Variants in CTNNA2 observed in about 807,000 individuals in gnomAD.
The protein encoded by CTNNA2 is catenin alpha 2, also known as catenin alpha-2.
A neutral mutation model predicts 101.0 loss-of-function variants in CTNNA2; 42 were observed. The observed-to-expected ratio is 0.42, with a 90% CI of 0.32 to 0.54. The LOEUF is 0.54. CTNNA2 is among the 20% of genes least tolerant of loss of function. The probability of loss-of-function intolerance (pLI) is 0.14; values close to 1 mark genes in which losing one functional copy is unlikely to be tolerated. For missense variants in CTNNA2, 871 were observed against 1,223.1 expected (o/e 0.71, Z 4.29); for synonymous variants, 450 against 456.4 (o/e 0.99, Z 0.18).
At position 79,734,293 on chromosome 2, in the gene CTNNA2, A is replaced by G. The variant is rs17017715; in HGVS notation, c.103-10094A>G. 5.4e-3 allele frequency among the ~76,000 whole-genome samples: 825 copies of G among 152,176 alleles called. 8 individuals are homozygous for G. The highest frequency in any genetic ancestry group is 0.019 in the African/African-American group (783 of 41,546). On this transcript the variant is annotated intron_variant, in intron 2 of 18. Transcript: ENST00000402739. ...TGTAAGTGTAGACATTGAAAGTTGT[A>G]TAGATTTTAGGATAACCTAGGTTGG...
At chr2:80,092,690 C>T (rs192713890) in intron 7 of CTNNA2, among the ~76,000 whole-genome samples, 8,986 of 152,190 alleles carry the variant, frequency 0.059, 355 homozygotes, top group Non-Finnish European at 0.091. Flanking sequence ...AATCAATAGT[C>T]TGGGAAACAG....
chr2:79,293,443 A>C (rs1016446330), intron 2 of CTNNA2, among the ~76,000 whole-genome samples: 1 of 152,176 alleles, frequency 6.6e-6, no homozygotes, highest in African/African-American at 2.4e-5. Flanking sequence ...ATCATACTAC[A>C]GTCCCTCTCC....
intron 9 of CTNNA2, among the ~76,000 whole-genome samples, chr2:80,524,304 T>C (rs1352159364): frequency 6.6e-6 from 1 of 152,148 alleles, no homozygotes; most frequent in Admixed American, 6.5e-5. Flanking sequence ...TCCTCCACAT[T>C]CCTTGTTCTC....
At chr2:79,228,539 C>CT (rs1187265009) in intron 2 of CTNNA2, among the ~76,000 whole-genome samples, 5 of 152,238 alleles carry the variant, frequency 3.3e-5, no homozygotes, top group Non-Finnish European at 1.5e-5. Context: ...TTCTTGGCCA[C>CT]TTGTGTATCT....
At chr2:79,548,522 C>T (rs957708906) in intron 1 of CTNNA2, among the ~76,000 whole-genome samples, 2 of 152,172 alleles carry the variant, frequency 1.3e-5, no homozygotes, top group African/African-American at 2.4e-5. Flanking sequence ...GGCCAGTTCT[C>T]CACCAGCTAT....
intron 6 of CTNNA2, among the ~76,000 whole-genome samples, chr2:79,895,863 G>C (rs1277693217): frequency 6.6e-6 from 1 of 152,004 alleles, no homozygotes; most frequent in Non-Finnish European, 1.5e-5. Flanking sequence ...ATAAAAATGG[G>C]CAGCAGATCT....
chr2:79,885,969 C>T (rs1389393222), intron 6 of CTNNA2, among the ~76,000 whole-genome samples: 2 of 152,150 alleles, frequency 1.3e-5, no homozygotes, highest in East Asian at 1.9e-4. Flanking sequence ...GTTTAGCCAC[C>T]AGATAGCTAA....
intron 3 of CTNNA2, among the ~76,000 whole-genome samples, chr2:79,751,579 G>A (rs1398591706): frequency 8.1e-6 from 1 of 124,158 alleles, no homozygotes; most frequent in Non-Finnish European, 1.6e-5. Context: ...CTGGGTGATG[G>A]AGAGACTCCA....
At chr2:79,842,168 C>T (rs1221116031) in intron 3 of CTNNA2, among the ~76,000 whole-genome samples, 4 of 152,146 alleles carry the variant, frequency 2.6e-5, no homozygotes, top group African/African-American at 9.7e-5. Flanking sequence ...GGTGTTTTAA[C>T]TATGTCTTGG....
At chr2:80,265,841 C>A (rs539122377) in intron 7 of CTNNA2, among the ~76,000 whole-genome samples, 1 of 152,132 alleles carries the variant, frequency 6.6e-6, no homozygotes, top group Non-Finnish European at 1.5e-5. Context: ...CATTCATTAC[C>A]TGGGAACTTG....
intron 9 of CTNNA2, among the ~76,000 whole-genome samples, chr2:80,517,300 A>T (rs564332849): frequency 6.6e-6 from 1 of 152,308 alleles, no homozygotes; most frequent in East Asian, 1.9e-4. Flanking sequence ...ATCAGGAGGA[A>T]AAGGAGCAGT....
Position 79,641,593 on chromosome 2 carries a change from A to G in CTNNA2, c.-5-9959A>G, listed in dbSNP as rs541515891. The stretch of plus-strand genomic sequence containing the variant: ...TTGGTCAAGAAATTTCATTTAGACA[A>G]TTTGGGTCCCTGGTGGGACACTGGA... On this transcript the variant is annotated intron_variant, in intron 1 of 18. Coordinates refer to ENST00000402739, the MANE Select transcript of CTNNA2 (RefSeq NM_001282597.3). Among the ~76,000 whole-genome samples, 3 of 152,258 alleles carry G rather than the reference A, an allele frequency of 2.0e-5. No individual in the cohort carries two copies. In the East Asian group the frequency reaches 5.8e-4, roughly 29 times the overall value.
chr2:79,424,224 G>A (rs1046528858), intron 4 of CTNNA2, among the ~76,000 whole-genome samples: 11 of 152,024 alleles, frequency 7.2e-5, no homozygotes, highest in Admixed American at 6.6e-5. Context: ...TCATGCCTAC[G>A]ATATATTCTG....
At chr2:80,286,037 G>A (rs1674739057) in intron 7 of CTNNA2, among the ~76,000 whole-genome samples, 1 of 152,098 alleles carries the variant, frequency 6.6e-6, no homozygotes, top group Non-Finnish European at 1.5e-5. Flanking sequence ...GGTCCAGGTG[G>A]CCTAATATTG....
chr2:79,808,503 G>A (rs72824568), intron 3 of CTNNA2, among the ~76,000 whole-genome samples: 11,311 of 152,164 alleles, frequency 0.074, 726 homozygotes, highest in East Asian at 0.37. Context: ...AGCTATCACC[G>A]AATTCTTGCT....
intron 7 of CTNNA2, among the ~76,000 whole-genome samples, chr2:79,913,814 TATG>T (rs1386136496): frequency 1.3e-5 from 2 of 152,224 alleles, no homozygotes; most frequent in African/African-American, 4.8e-5. Flanking sequence ...TTGCAGCTCA[TATG>T]ATATCTTCAT....
At chr2:79,263,990 C>T (rs1055638652) in intron 2 of CTNNA2, among the ~76,000 whole-genome samples, 3 of 152,180 alleles carry the variant, frequency 2.0e-5, no homozygotes, top group Non-Finnish European at 4.4e-5. Context: ...CAAGAGTCAA[C>T]ATTTTGCCAC....
intron 3 of CTNNA2, among the ~76,000 whole-genome samples, chr2:79,331,744 C>T (rs1251190043): frequency 2.0e-5 from 3 of 152,140 alleles, no homozygotes; most frequent in Non-Finnish European, 1.5e-5. Flanking sequence ...ATTTCATCCA[C>T]AACCCTACAT....
At chr2:79,899,700 G>A (rs1370445199) in intron 6 of CTNNA2, among the ~76,000 whole-genome samples, 10 of 152,128 alleles carry the variant, frequency 6.6e-5, no homozygotes, top group Admixed American at 5.9e-4. Context: ...GTAGATAAAT[G>A]GCATAATTAG....
Sources: gnomAD v4.1 joint callset for allele counts (sites outside exome capture counted in the v4.1 genomes callset) on GRCh38, gnomAD v4.1.1 for gene constraint, MANE v1.5 for transcripts, NCBI Gene and HGNC (gene_info 2026-07-23, HGNC 2026-07-21) for gene names.